The following LSAMP variants were observed in gnomAD, a reference collection of about 807,000 sequenced individuals.
LSAMP encodes the protein limbic system-associated membrane protein.
Under a neutral mutation model 38.6 loss-of-function variants are expected in LSAMP, and 7 were observed. The observed-to-expected ratio is 0.18, with a 90% CI of 0.10 to 0.34. The LOEUF is 0.34. LSAMP is among the 10% of genes least tolerant of loss of function. LSAMP has a pLI of 1.00. For synonymous variants in LSAMP, 154 were observed against 166.8 expected, an observed-to-expected ratio of 0.92 and a Z score of 0.59; for missense variants, 313 against 420.0, an observed-to-expected ratio of 0.75 and a Z score of 2.23.
rs367993956 is a variant in LSAMP, at chr3:116,166,818, ACT to A, written c.156-80264_156-80263del. ...TTTTTTTTTTTTGAGACGGAGTCTC[ACT>A]CTGTCTGTCACCCAGGCTGGAGTGC... On this transcript the variant is annotated intron_variant, in intron 1 of 6. Coordinates refer to ENST00000490035, the MANE Select transcript of LSAMP (RefSeq NM_002338.5). 3.0e-3 allele frequency among the ~76,000 whole-genome samples: 363 copies of A among 122,576 alleles called. 2 individuals carry two copies. The highest frequency in any genetic ancestry group is 0.011 in the African/African-American group (351 of 31,422). 80.4% of individuals were successfully genotyped at this position (122,576 alleles called of 152,430 possible). A position where few individuals can be genotyped will look rare whatever the true frequency, so the allele number is the denominator to read the frequency against.
At chr3:115,968,011 T>C (rs893642695) in intron 3 of LSAMP, among the ~76,000 whole-genome samples, 22 of 152,010 alleles carry the variant, frequency 1.4e-4, no homozygotes, top group East Asian at 3.9e-4. Context: ...CTGGCTACCA[T>C]TGATGTTCAC....
intron 1 of LSAMP, among the ~76,000 whole-genome samples, chr3:116,235,489 G>A (rs1244545143): frequency 6.6e-6 from 1 of 152,140 alleles, no homozygotes; most frequent in Non-Finnish European, 1.5e-5. Flanking sequence ...GAAAGGGAAG[G>A]AGAGAGGAAG....
At chr3:116,056,966 T>C (rs1348307086) in intron 2 of LSAMP, among the ~76,000 whole-genome samples, 1 of 152,168 alleles carries the variant, frequency 6.6e-6, no homozygotes, top group Non-Finnish European at 1.5e-5. Context: ...TGGTGTGCAA[T>C]ACAAAGGAAT....
chr3:116,068,767 A>G (rs1189161872), intron 2 of LSAMP, among the ~76,000 whole-genome samples: 5 of 152,230 alleles, frequency 3.3e-5, no homozygotes, highest in African/African-American at 9.6e-5. Context: ...AGAAAATAAG[A>G]TATTCATTCA....
chr3:116,315,996 A>G (rs1317276434), intron 1 of LSAMP, among the ~76,000 whole-genome samples: 1 of 152,246 alleles, frequency 6.6e-6, no homozygotes, highest in Non-Finnish European at 1.5e-5. Flanking sequence ...AAAGAGGGGG[A>G]TTAAAACAAA....
intron 2 of LSAMP, among the ~76,000 whole-genome samples, chr3:116,082,055 A>G (rs1315973983): frequency 6.6e-6 from 1 of 152,216 alleles, no homozygotes; most frequent in Non-Finnish European, 1.5e-5. Context: ...ATATTTAAAA[A>G]TAAGATTCTC....
At chr3:115,979,122 T>C (rs1171372926) in intron 3 of LSAMP, among the ~76,000 whole-genome samples, 1 of 151,830 alleles carries the variant, frequency 6.6e-6, no homozygotes, top group Non-Finnish European at 1.5e-5. Context: ...AGACGTGGAG[T>C]ATCTTAAAGA....
At chr3:116,311,491 C>T (rs1371820342) in intron 1 of LSAMP, among the ~76,000 whole-genome samples, 1 of 152,166 alleles carries the variant, frequency 6.6e-6, no homozygotes, top group Non-Finnish European at 1.5e-5. Flanking sequence ...ATTTATACTT[C>T]TGGCTTTTCA....
chr3:115,973,615 T>C (rs1300167529), intron 3 of LSAMP, among the ~76,000 whole-genome samples: 1 of 151,900 alleles, frequency 6.6e-6, no homozygotes, highest in Non-Finnish European at 1.5e-5. Context: ...GTGCCTGTAA[T>C]CCCAGCGACT....
At chr3:116,101,120 C>A (rs561526459) in intron 1 of LSAMP, among the ~76,000 whole-genome samples, 1 of 152,170 alleles carries the variant, frequency 6.6e-6, no homozygotes, top group South Asian at 2.1e-4. Flanking sequence ...TAGATAATTA[C>A]TCAATGGATG....
Position 116,256,399 on chromosome 3 carries a change from C to T in LSAMP, c.156-169843G>A, listed in dbSNP as rs542275507. Among the ~76,000 whole-genome samples the T allele has an allele frequency of 3.9e-5, 6 of 152,258 alleles. No individual in the cohort carries two copies. The East Asian group carries it at 9.7e-4, about 24-fold the overall frequency. On this transcript the variant is annotated intron_variant, in intron 1 of 6. Transcript: ENST00000490035. ...AAATACTGAAGAAAACACTGGTTTT[C>T]CTCCCCCTACTCAGGAAAAAGGACA...
intron 6 of LSAMP, among the ~76,000 whole-genome samples, chr3:115,835,235 C>T (rs1035118467): frequency 1.1e-4 from 17 of 151,966 alleles, no homozygotes; most frequent in African/African-American, 2.9e-4. Flanking sequence ...CATTCTTACC[C>T]GAAATTTGAT....
rs190359097 is a variant in LSAMP at position 116,410,541 on chromosome 3, A to T, written c.155+34336T>A. ...ACTTCCTTTGCTTTCTTCTATTTCT[A>T]GCTTCTATTTTAAAACACCTCCTTA... On this transcript the variant is annotated intron_variant, in intron 1 of 6. Coordinates refer to ENST00000490035, the MANE Select transcript of LSAMP (RefSeq NM_002338.5). 5.2e-3 allele frequency among the ~76,000 whole-genome samples: 792 copies of T among 151,742 alleles called. 2 individuals carry two copies. Among genetic ancestry groups the T allele is most frequent in the Non-Finnish European group, 8.3e-3 (565 of 67,910 alleles).
intron 1 of LSAMP, among the ~76,000 whole-genome samples, chr3:116,298,830 G>T (rs892803395): frequency 2.0e-5 from 3 of 152,018 alleles, no homozygotes; most frequent in Non-Finnish European, 4.4e-5. Flanking sequence ...TAGAGTTTCT[G>T]CTTCTGTGCC....
intron 1 of LSAMP, among the ~76,000 whole-genome samples, chr3:116,090,873 T>C (rs1708106925): frequency 6.6e-6 from 1 of 152,094 alleles, no homozygotes; most frequent in African/African-American, 2.4e-5. Flanking sequence ...CAGGGCGAGA[T>C]CACAGGACCA....
intron 1 of LSAMP, among the ~76,000 whole-genome samples, chr3:116,174,228 C>G (rs1192790069): frequency 6.6e-6 from 1 of 151,968 alleles, no homozygotes; most frequent in African/African-American, 2.4e-5. Context: ...ACTGTTATGA[C>G]TATTGATAAT....
intron 1 of LSAMP, among the ~76,000 whole-genome samples, chr3:116,426,461 C>CAAAAAAAAAAAAAAAAAAAAGAAA (rs2049197608): frequency 1.2e-5 from 1 of 85,536 alleles, no homozygotes; most frequent in Non-Finnish European, 2.3e-5. Context: ...AACTCCGTCT[C>CAAAAAAAAAAAAAAAAAAAAGAAA]AAAAAAAAAA....
At chr3:116,425,280 A>G (rs2049179497) in intron 1 of LSAMP, among the ~76,000 whole-genome samples, 1 of 152,228 alleles carries the variant, frequency 6.6e-6, no homozygotes, top group African/African-American at 2.4e-5. Context: ...AGGGAAAAAT[A>G]GATCCTCTAT....
chr3:116,208,831 C>T (rs1030158509), intron 1 of LSAMP, among the ~76,000 whole-genome samples: 4 of 152,182 alleles, frequency 2.6e-5, no homozygotes, highest in African/African-American at 9.6e-5. Context: ...TTTAAGTTTG[C>T]AGAGTTTACT....
Sources: allele counts gnomAD v4.1 joint callset (sites outside exome capture counted in the v4.1 genomes callset), GRCh38; gene constraint gnomAD v4.1.1; transcripts MANE v1.5; gene names NCBI Gene and HGNC (gene_info 2026-07-23, HGNC 2026-07-21).